COL28A1: variants seen among roughly 807,000 people sequenced by gnomAD.
COL28A1 encodes collagen alpha-1(XXVIII) chain.
In COL28A1, 161 loss-of-function variants were observed where a neutral mutation model predicts 150.2. The ratio of observed to expected loss-of-function variants is 1.07; its 90% confidence interval spans 0.94 to 1.22. The LOEUF is 1.22. Ranked by LOEUF, COL28A1 falls within the 50% of genes most tolerant of loss-of-function variation. The pLI is 0.00. For synonymous variants in COL28A1, 552 were observed against 469.7 expected, an observed-to-expected ratio of 1.18 and a Z score of -2.26; for missense variants, 1,617 against 1,388.3, an observed-to-expected ratio of 1.16 and a Z score of -2.62.
intron 8 of COL28A1, 108 bp from the exon 9 acceptor site, chr7:7,511,243 G>A: frequency 1.2e-6 from 1 of 846,838 alleles, no homozygotes; most frequent in Non-Finnish European, 1.9e-6. Flanking sequence ...TGTAACATAA[G>A]CACTCTTTTG....
rs1442461478 is a variant in COL28A1, at chr7:7,360,426, TG to T, written c.3168del (p.Arg1057GlyfsTer20). 2 of 1,607,400 alleles carry T rather than the reference TG, an allele frequency of 1.2e-6. No individual in the cohort carries two copies. Among genetic ancestry groups the T allele is most frequent in the Non-Finnish European group, 1.7e-6 (2 of 1,178,154 alleles). ...TCCACAGGGGTGCTGAGCAGTGGCCTGGGGGTGGTGGTGGCCTCAGATGAGG... is the reference window on the plus strand; with the variant it reads ...TCCACAGGGGTGCTGAGCAGTGGCCTGGGGTGGTGGTGGCCTCAGATGAGG... The part of the protein sequence containing the change: ...ATTSSEATTT[P>X]RPLLSTPVDG... On this transcript the variant is annotated frameshift_variant, in exon 34 of 35. Coordinates refer to ENST00000399429, the MANE Select transcript of COL28A1 (RefSeq NM_001037763.3). LOFTEE classifies it low-confidence loss of function (END_TRUNC).
At chr7:7,387,627 G>A (rs979658447) in intron 27 of COL28A1, among the ~76,000 whole-genome samples, 1 of 152,136 alleles carries the variant, frequency 6.6e-6, no homozygotes, top group African/African-American at 2.4e-5. Flanking sequence ...TATAGCAAAT[G>A]TGGTAATATT....
Position 7,464,011 on chromosome 7 carries a change from T to C in COL28A1, c.1303-7899A>G, listed in dbSNP as rs114126696. ...CACCAAAAGCAACCAGGGGTAGCCA[T>C]TCTTATATCAGACAAAACAAACTTT... On this transcript the variant is annotated intron_variant, in intron 15 of 34. Transcript: ENST00000399429. Among the ~76,000 whole-genome samples, 1,473 of 152,306 alleles carry C rather than the reference T, an allele frequency of 9.7e-3. 32 individuals carry two copies. Among genetic ancestry groups the C allele is most frequent in the African/African-American group, 0.034 (1,413 of 41,570 alleles).
intron 27 of COL28A1, among the ~76,000 whole-genome samples, chr7:7,384,448 G>C (rs1157195082): frequency 6.6e-6 from 1 of 152,156 alleles, no homozygotes; most frequent in Non-Finnish European, 1.5e-5. Flanking sequence ...GTCAACTGTG[G>C]TTGGAAAATA....
chr7:7,389,171 T>C (rs1378173514), intron 27 of COL28A1, among the ~76,000 whole-genome samples: 1 of 152,198 alleles, frequency 6.6e-6, no homozygotes, highest in Non-Finnish European at 1.5e-5. Context: ...AGTTAATTTT[T>C]GTATAAAGTG....
chr7:7,476,776 GAATT>G (rs1308910074), intron 14 of COL28A1, among the ~76,000 whole-genome samples: 1 of 152,160 alleles, frequency 6.6e-6, no homozygotes, highest in Non-Finnish European at 1.5e-5. Context: ...TGTGAGCAAA[GAATT>G]GCCATAGCTA....
At chr7:7,457,683 T>C (rs1471258014) in intron 15 of COL28A1, among the ~76,000 whole-genome samples, 2 of 152,002 alleles carry the variant, frequency 1.3e-5, no homozygotes, top group East Asian at 3.9e-4. Context: ...CTCCAATCAT[T>C]AGAGGTCAGA....
At position 7,370,876 on chromosome 7, in the gene COL28A1, AG is replaced by A. The variant is rs763852403; in HGVS notation, c.2914del (p.Leu972Ter). The A allele has an allele frequency of 1.2e-6, 2 of 1,607,514 alleles. No individual in the cohort carries two copies. Among genetic ancestry groups the A allele is most frequent in the Non-Finnish European group, 1.7e-6 (2 of 1,175,062 alleles). On this transcript the variant is annotated frameshift_variant, in exon 33 of 35. Transcript: ENST00000399429. LOFTEE classifies it high-confidence loss of function. ...AATTTTTTGAAACAATTTTTGCTTC[AG>A]GGTGTCTTTTAAAAAAGAAGTAGAA... ...FDDFFTLQDT[L>X]KQKLFQKICE...
At chr7:7,539,878 T>C (rs1040430338), upstream of COL28A1, among the ~76,000 whole-genome samples, 1 of 152,188 alleles carries the variant, frequency 6.6e-6, no homozygotes, top group Non-Finnish European at 1.5e-5. Context: ...TATTTGTCAT[T>C]CAATCCCCAG....
At chr7:7,386,684 G>C (rs962286800) in intron 27 of COL28A1, among the ~76,000 whole-genome samples, 1 of 152,180 alleles carries the variant, frequency 6.6e-6, no homozygotes, top group Non-Finnish European at 1.5e-5. Flanking sequence ...GCTACTCACA[G>C]ACTCTTCTCA....
intron 27 of COL28A1, among the ~76,000 whole-genome samples, chr7:7,410,626 G>C (rs73674531): frequency 1.0e-4 from 15 of 149,166 alleles, no homozygotes; most frequent in Admixed American, 4.7e-4. Flanking sequence ...CTACTACCAA[G>C]ATTGGTTTTG....
intron 27 of COL28A1, among the ~76,000 whole-genome samples, chr7:7,404,078 C>G (rs73347183): frequency 6.6e-6 from 1 of 151,988 alleles, no homozygotes; most frequent in Non-Finnish European, 1.5e-5. Flanking sequence ...GCACATCAAT[C>G]TTTTATTAGA....
chr7:7,379,084 C>T (rs1181396688), intron 30 of COL28A1, among the ~76,000 whole-genome samples: 2 of 152,170 alleles, frequency 1.3e-5, no homozygotes, highest in African/African-American at 4.8e-5. Context: ...CAGAGTGTGG[C>T]ATAGAGGAAC....
intron 26 of COL28A1, 51 bp from the exon 27 acceptor site, chr7:7,417,978 A>C (rs746524873): frequency 2.0e-6 from 3 of 1,468,510 alleles, no homozygotes; most frequent in Non-Finnish European, 2.8e-6. Context: ...AGATCGAAGA[A>C]GAAACAACGT....
In COL28A1 at chr7:7,532,839, A is replaced by G. The variant is rs1042468850; in HGVS notation, c.37T>C (p.Leu13=). 1.2e-6 allele frequency: 2 copies of G among 1,611,994 alleles called. No homozygotes were observed. The highest frequency in any genetic ancestry group is 1.1e-5 in the South Asian group (1 of 90,530). The change falls in exon 2 of 35, where the codon TTG becomes CTG. Residue 13 remains leucine, a synonymous_variant. Coordinates refer to ENST00000399429, the MANE Select transcript of COL28A1 (RefSeq NM_001037763.3). ...ACTGTTTGACTCGTAAACGCTGACA[A>G]AAGCAGGAGATAGAAGACAAAATAT... ...NRYFVFYLLL[L]SAFTSQTVSG...
chr7:7,532,130 G>A (rs1782399705), intron 2 of COL28A1, among the ~76,000 whole-genome samples: 1 of 152,054 alleles, frequency 6.6e-6, no homozygotes, highest in Non-Finnish European at 1.5e-5. Context: ...AAATAAATAA[G>A]ATATCTTTTA....
chr7:7,420,161 T>G, intron 25 of COL28A1: 1 of 358,238 alleles, frequency 2.8e-6, no homozygotes, highest in African/African-American at 2.1e-5. Context: ...TCAATTAACT[T>G]CTTGGCAACA....
intron 8 of COL28A1, 52 bp from the exon 9 acceptor site, chr7:7,511,187 A>G (rs1179922712): frequency 1.5e-6 from 2 of 1,361,942 alleles, no homozygotes. Context: ...GTCATTCACT[A>G]TTAAGAATGT....
At chr7:7,539,192 A>G (rs1052209231), upstream of COL28A1, among the ~76,000 whole-genome samples, 2 of 152,200 alleles carry the variant, frequency 1.3e-5, no homozygotes, top group African/African-American at 4.8e-5. Context: ...TCTATAAAGA[A>G]AAGAGGTTTA....
Sources: allele counts gnomAD v4.1 joint callset (sites outside exome capture counted in the v4.1 genomes callset), GRCh38; gene constraint gnomAD v4.1.1; transcripts MANE v1.5; gene names NCBI Gene and HGNC (gene_info 2026-07-23, HGNC 2026-07-21).